Variants in PALM2AKAP2 observed in about 807,000 individuals in gnomAD.
PALM2AKAP2 encodes the protein PALM2-AKAP2 fusion protein.
Under a neutral mutation model 71.5 loss-of-function variants are expected in PALM2AKAP2, and 37 were observed. The observed-to-expected ratio is 0.52, with a 90% confidence interval of 0.40 to 0.68. PALM2AKAP2 has a LOEUF of 0.68. Ranked by LOEUF, PALM2AKAP2 falls within the 30% of genes least tolerant of loss-of-function variation. PALM2AKAP2 has a pLI of 0.00. For synonymous variants in PALM2AKAP2, 468 were observed against 478.8 expected (o/e 0.98, Z 0.29); for missense variants, 1,224 against 1,191.8 (o/e 1.03, Z -0.40).
Position 110,165,284 on chromosome 9 carries a change from TCACACACACACA to T in PALM2AKAP2, c.2749-3081_2749-3070del, listed in dbSNP as rs58758256. ...TAAAAGCTCTAAATTTGCTAGAGAT[TCACACACACACA>T]CACACACACACACACACACACACAC... On this transcript the variant is annotated intron_variant, in intron 3 of 3. Coordinates refer to ENST00000374525, the Ensembl canonical transcript of PALM2AKAP2. Among the ~76,000 whole-genome samples, 1,178 of 142,368 alleles carry T rather than the reference TCACACACACACA, an allele frequency of 8.3e-3. 11 individuals are homozygous for T. The highest frequency in any genetic ancestry group is 0.018 in the Middle Eastern group (5 of 274). The allele number at this position is 142,368 out of a possible 152,430, so 93.4% of individuals were successfully genotyped here. A position where few individuals can be genotyped will look rare whatever the true frequency, so the allele number is the denominator to read the frequency against.
intron 3 of PALM2AKAP2, among the ~76,000 whole-genome samples, chr9:109,903,663 C>A (rs60182145): frequency 6.6e-6 from 1 of 152,102 alleles, no homozygotes; most frequent in African/African-American, 2.4e-5. Context: ...CAGCTGTCTC[C>A]TCCCAGCTTT....
At chr9:109,673,068 A>C (rs1292580993) in intron 1 of PALM2AKAP2, among the ~76,000 whole-genome samples, 1 of 151,822 alleles carries the variant, frequency 6.6e-6, no homozygotes, top group Non-Finnish European at 1.5e-5. Context: ...TGATCTTTTG[A>C]ATGCTTTTTG....
At chr9:110,105,354 A>G (rs1465411734) in intron 1 of PALM2AKAP2, among the ~76,000 whole-genome samples, 3 of 152,202 alleles carry the variant, frequency 2.0e-5, no homozygotes, top group African/African-American at 7.2e-5. Context: ...TATTATTGCT[A>G]CTTAAAACTT....
At chr9:109,869,487 C>T (rs1829545632) in intron 2 of PALM2AKAP2, among the ~76,000 whole-genome samples, 1 of 142,812 alleles carries the variant, frequency 7.0e-6, no homozygotes, top group African/African-American at 2.6e-5. Context: ...CGCCACCACG[C>T]CCAGCTAATT....
intron 1 of PALM2AKAP2, among the ~76,000 whole-genome samples, chr9:109,695,422 A>G (rs755842878): frequency 9.2e-5 from 14 of 152,234 alleles, no homozygotes; most frequent in Non-Finnish European, 2.1e-4. Flanking sequence ...CCACCACCAT[A>G]TAAGCATGCT....
chr9:109,794,804 C>T (rs779381157), intron 1 of PALM2AKAP2, among the ~76,000 whole-genome samples: 15 of 152,172 alleles, frequency 9.9e-5, no homozygotes, highest in Non-Finnish European at 2.1e-4. Flanking sequence ...TAAATATTTT[C>T]AAATTGCTCA....
intron 3 of PALM2AKAP2, among the ~76,000 whole-genome samples, chr9:109,920,440 G>C (rs1271970685): frequency 1.3e-5 from 2 of 150,298 alleles, no homozygotes; most frequent in Admixed American, 6.6e-5. Flanking sequence ...GGTGCAATCT[G>C]GGCTCGCTGC....
At chr9:109,853,689 A>T (rs775526262) in intron 1 of PALM2AKAP2, among the ~76,000 whole-genome samples, 3 of 152,232 alleles carry the variant, frequency 2.0e-5, no homozygotes, top group Non-Finnish European at 4.4e-5. Flanking sequence ...TATAAACTTG[A>T]AAGTGTTTGC....
At chr9:109,995,925 A>C (rs1832568210) in intron 6 of PALM2AKAP2, among the ~76,000 whole-genome samples, 1 of 152,198 alleles carries the variant, frequency 6.6e-6, no homozygotes, top group Admixed American at 6.5e-5. Flanking sequence ...GAGGCAGGAA[A>C]GATACTGCAG....
intron 1 of PALM2AKAP2, among the ~76,000 whole-genome samples, chr9:109,676,753 A>G (rs1193088372): frequency 6.6e-6 from 1 of 152,228 alleles, no homozygotes; most frequent in Non-Finnish European, 1.5e-5. Flanking sequence ...CAAGTCAAAG[A>G]GAGAGTGATC....
chr9:110,016,202 T>A (rs1647124274), intron 7 of PALM2AKAP2, among the ~76,000 whole-genome samples, 163 bp downstream of exon 7: 1 of 152,148 alleles, frequency 6.6e-6, no homozygotes, highest in Admixed American at 6.5e-5. Context: ...TAAGATTTTC[T>A]GAAATTTGGG....
intron 1 of PALM2AKAP2, among the ~76,000 whole-genome samples, chr9:109,793,260 A>G (rs775279038): frequency 3.3e-5 from 5 of 152,238 alleles, no homozygotes; most frequent in Non-Finnish European, 5.9e-5. Context: ...GATTTCAGAA[A>G]TTGGTTCATG....
intron 1 of PALM2AKAP2, among the ~76,000 whole-genome samples, chr9:109,866,410 G>A (rs548226720): frequency 4.4e-4 from 67 of 152,208 alleles, no homozygotes; most frequent in African/African-American, 1.6e-3. Context: ...ACTCCTGTAC[G>A]CTTTGGAAAC....
At chr9:109,852,203 C>T (rs908718451) in intron 1 of PALM2AKAP2, among the ~76,000 whole-genome samples, 6 of 152,098 alleles carry the variant, frequency 3.9e-5, no homozygotes, top group Non-Finnish European at 8.8e-5. Flanking sequence ...AATCCTGTCA[C>T]CCAAGCCATG....
intron 3 of PALM2AKAP2, among the ~76,000 whole-genome samples, chr9:109,886,116 C>G (rs909553112): frequency 6.6e-6 from 1 of 152,132 alleles, no homozygotes; most frequent in African/African-American, 2.4e-5. Context: ...TAGACGTTTC[C>G]TTTTTTGAAT....
chr9:109,803,050 G>A (rs1008355638), intron 1 of PALM2AKAP2, among the ~76,000 whole-genome samples: 3 of 152,108 alleles, frequency 2.0e-5, no homozygotes, highest in African/African-American at 7.2e-5. Context: ...AGAATAGTCT[G>A]TGTTTGTTTG....
intron 1 of PALM2AKAP2, among the ~76,000 whole-genome samples, chr9:109,716,581 AC>A (rs5899863): frequency 0.2 from 30,962 of 152,126 alleles, 3,489 homozygotes; most frequent in East Asian, 0.37. Context: ...GCTGGCAGGT[AC>A]CTGGAAAGAC....
exon 4 of PALM2AKAP2, chr9:110,170,219 AT>A (rs1225350854): frequency 6.6e-6 from 1 of 152,546 alleles, no homozygotes; most frequent in Non-Finnish European, 1.5e-5. Flanking sequence ...AGAAAAAAAA[AT>A]AAACAGCCTT....
At chr9:109,649,875 CAG>C (rs1418331530) in intron 1 of PALM2AKAP2, among the ~76,000 whole-genome samples, 1 of 152,162 alleles carries the variant, frequency 6.6e-6, no homozygotes, top group Non-Finnish European at 1.5e-5. Context: ...ATCATTCAGA[CAG>C]ATCACATATC....
Sources: gnomAD v4.1 joint callset for allele counts (sites outside exome capture counted in the v4.1 genomes callset) on GRCh38, gnomAD v4.1.1 for gene constraint, MANE v1.5 for transcripts, NCBI Gene and HGNC (gene_info 2026-07-23, HGNC 2026-07-21) for gene names.